Variants in N4BP2L2 observed in about 807,000 individuals in gnomAD.
The protein encoded by N4BP2L2 is NEDD4-binding protein 2-like 2.
N4BP2L2 carries 50 observed loss-of-function variants against 56.2 expected under a neutral mutation model. The observed-to-expected ratio is 0.89, with a 90% CI of 0.71 to 1.13. The LOEUF is 1.13. N4BP2L2 is among the 50% of genes most tolerant of loss of function. The pLI is 0.00. For synonymous variants in N4BP2L2, 203 were observed against 223.6 expected (o/e 0.91, Z 0.82); for missense variants, 689 against 693.8 (o/e 0.99, Z 0.08).
chr13:32,500,546 CAAAAAAAAAAA>C lies in N4BP2L2; in HGVS notation c.365+17300_365+17310del, dbSNP rs1169575568. 2.1e-4 allele frequency among the ~76,000 whole-genome samples: 11 copies of C among 52,236 alleles called. No individual in the cohort carries two copies. The South Asian group carries it at 6.9e-3, about 33-fold the overall frequency. 34.3% of individuals were successfully genotyped at this position (52,236 alleles called of 152,430 possible). On this transcript the variant is annotated intron_variant, in intron 6 of 9. Coordinates refer to the N4BP2L2 transcript ENST00000357505. ...CTAGCCTGTAGAGATCCTGTCTCTA[CAAAAAAAAAAA>C]AAAAAAAAAAAATAGCCAGGCATGG...
intron 6 of N4BP2L2, among the ~76,000 whole-genome samples, chr13:32,447,095 A>G (rs927916677): frequency 2.6e-5 from 4 of 152,140 alleles, no homozygotes; most frequent in Non-Finnish European, 4.4e-5. Context: ...TCAAACCCTC[A>G]CATGTGCATA....
At chr13:32,495,089 C>G (rs1270413892) in intron 6 of N4BP2L2, among the ~76,000 whole-genome samples, 1 of 78,936 alleles carries the variant, frequency 1.3e-5, no homozygotes, top group Non-Finnish European at 3.0e-5. Context: ...TGGGACTCTA[C>G]CTATCCCAGA....
chr13:32,446,483 G>C (rs1470132126), intron 6 of N4BP2L2: 5 of 1,322,276 alleles, frequency 3.8e-6, no homozygotes, highest in Middle Eastern at 2.1e-4. Flanking sequence ...GAACCATCCT[G>C]TTGCAGGGCA....
chr13:32,457,141 AAAC>A (rs936256928), intron 6 of N4BP2L2, among the ~76,000 whole-genome samples: 12 of 152,176 alleles, frequency 7.9e-5, no homozygotes, highest in African/African-American at 2.7e-4. Flanking sequence ...TCCATCTCAA[AAAC>A]AACAACAACA....
intron 6 of N4BP2L2, among the ~76,000 whole-genome samples, chr13:32,489,659 G>T (rs1034346869): frequency 6.6e-6 from 1 of 151,418 alleles, no homozygotes; most frequent in African/African-American, 2.4e-5. Flanking sequence ...GATTAAGAAG[G>T]TAAATCGGTT....
At chr13:32,517,537 T>C (rs1473418775) in exon 6 of N4BP2L2, 5 of 1,174,580 alleles carry the variant, frequency 4.3e-6, no homozygotes, top group Admixed American at 8.5e-5. Context: ...AAAAACATCC[T>C]AGCTCCTACC....
At chr13:32,488,758 G>A (rs1372570868) in intron 6 of N4BP2L2, among the ~76,000 whole-genome samples, 1 of 151,970 alleles carries the variant, frequency 6.6e-6, no homozygotes, top group African/African-American at 2.4e-5. Flanking sequence ...TGCTACTTTT[G>A]TAATAGAAAA....
At chr13:32,487,136 A>G (rs989367512) in intron 6 of N4BP2L2, among the ~76,000 whole-genome samples, 3 of 152,140 alleles carry the variant, frequency 2.0e-5, no homozygotes, top group Non-Finnish European at 2.9e-5. Context: ...AGACCTGCCT[A>G]GGTAACATGG....
chr13:32,513,176 T>A (rs1306149662), exon 6 of N4BP2L2: 1 of 152,240 alleles, frequency 6.6e-6, no homozygotes, highest in Non-Finnish European at 1.5e-5. Context: ...TTTTCTGAAC[T>A]TAGTTGCCAA....
At chr13:32,489,777 A>AC (rs1158550766) in intron 6 of N4BP2L2, among the ~76,000 whole-genome samples, 1 of 152,090 alleles carries the variant, frequency 6.6e-6, no homozygotes, top group Non-Finnish European at 1.5e-5. Context: ...AAAAAAAAAA[A>AC]AAAACTTGCA....
chr13:32,490,946 A>G (rs2086924946), intron 6 of N4BP2L2, among the ~76,000 whole-genome samples: 1 of 152,026 alleles, frequency 6.6e-6, no homozygotes, highest in Non-Finnish European at 1.5e-5. Flanking sequence ...GGGTGGAAAT[A>G]CAATGTTTAG....
At chr13:32,516,275 T>C (rs1170225780) in exon 6 of N4BP2L2, 1 of 152,232 alleles carries the variant, frequency 6.6e-6, no homozygotes, top group Non-Finnish European at 1.5e-5. Context: ...TGTATATGTA[T>C]ACAATATACA....
At chr13:32,538,781 C>G (rs1238848544) in exon 1 of N4BP2L2, 4 of 985,340 alleles carry the variant, frequency 4.1e-6, no homozygotes, top group Non-Finnish European at 4.8e-6. Context: ...ACCTCACCTC[C>G]GTACGCAAGA....
intron 3 of N4BP2L2, chr13:32,526,816 C>CTGTTTTTTTTTTTTT: frequency 1.3e-4 from 1 of 7,550 alleles, no homozygotes; most frequent in Non-Finnish European, 3.4e-4. Flanking sequence ...CACTTTTTGT[C>CTGTTTTTTTTTTTTT]TGTTTTTTTT....
Position 32,445,591 on chromosome 13 carries a change from G to A in N4BP2L2, c.366-1465C>T, listed in dbSNP as rs560467380. Among the ~76,000 whole-genome samples, 4 of 152,336 alleles carry A rather than the reference G, an allele frequency of 2.6e-5. No individual in the cohort carries two copies. The East Asian group carries it at 5.8e-4, about 22-fold the overall frequency. Reference sequence around the variant, plus strand: ...TGCTGCTAATTGCCCAGATTGTAGTGGTTCTAACCAGAGACTACACTACTA... The same window carrying A: ...TGCTGCTAATTGCCCAGATTGTAGTAGTTCTAACCAGAGACTACACTACTA... On this transcript the variant is annotated intron_variant, in intron 6 of 9. Transcript: ENST00000357505.
At chr13:32,537,884 A>G (rs1004949047) in intron 1 of N4BP2L2, among the ~76,000 whole-genome samples, 16 of 152,046 alleles carry the variant, frequency 1.1e-4, no homozygotes, top group African/African-American at 3.9e-4. Flanking sequence ...GCCTGGCAAC[A>G]TGGCCTAACT....
chr13:32,440,524 T>C (rs1177386876), intron 7 of N4BP2L2, among the ~76,000 whole-genome samples: 2 of 152,206 alleles, frequency 1.3e-5, no homozygotes, highest in Non-Finnish European at 2.9e-5. Context: ...TGGAGTGCAG[T>C]GGCGCGATCT....
intron 2 of N4BP2L2, among the ~76,000 whole-genome samples, chr13:32,528,395 TA>T (rs754857955): frequency 2.6e-5 from 4 of 152,194 alleles, no homozygotes; most frequent in South Asian, 2.1e-4. Flanking sequence ...TTTAAATTTT[TA>T]AGAACTTAAG....
At chr13:32,461,501 C>T (rs550094532) in intron 6 of N4BP2L2, among the ~76,000 whole-genome samples, 20 of 152,206 alleles carry the variant, frequency 1.3e-4, no homozygotes, top group African/African-American at 4.6e-4. Flanking sequence ...AGAAGATATA[C>T]AAATGGCCAA....
Sources: allele counts gnomAD v4.1 joint callset (sites outside exome capture counted in the v4.1 genomes callset), GRCh38; gene constraint gnomAD v4.1.1; transcripts MANE v1.5; gene names NCBI Gene and HGNC (gene_info 2026-07-23, HGNC 2026-07-21).